CAMTA1: variants seen among roughly 807,000 people sequenced by gnomAD.
The protein encoded by CAMTA1 is calmodulin binding transcription activator 1.
In CAMTA1, 27 loss-of-function variants were observed where a neutral mutation model predicts 170.9. That is an observed-to-expected ratio of 0.16 (90% CI 0.12 to 0.22). The LOEUF (loss-of-function observed/expected upper bound fraction) is 0.22. CAMTA1 is among the 10% of genes least tolerant of loss of function. The pLI, the probability that CAMTA1 is intolerant of heterozygous loss-of-function variation, is 1.00. For synonymous variants in CAMTA1, 833 were observed against 891.5 expected (o/e 0.93, Z 1.17); for missense variants, 1,619 against 2,217.2 (o/e 0.73, Z 5.42).
chr1:7,671,747 C>A (rs2096062304), intron 10 of CAMTA1, among the ~76,000 whole-genome samples: 1 of 152,208 alleles, frequency 6.6e-6, no homozygotes, highest in Non-Finnish European at 1.5e-5. Context: ...GTCCCTGTGC[C>A]TCTGAAGCCC....
At chr1:7,622,130 C>T (rs1252070134) in intron 6 of CAMTA1, among the ~76,000 whole-genome samples, 1 of 152,168 alleles carries the variant, frequency 6.6e-6, no homozygotes, top group African/African-American at 2.4e-5. Flanking sequence ...TGGTTTTGCT[C>T]GTTAACTCAT....
intron 4 of CAMTA1, among the ~76,000 whole-genome samples, chr1:7,221,588 G>A (rs145428185): frequency 1.9e-4 from 29 of 152,104 alleles, no homozygotes; most frequent in African/African-American, 6.0e-4. Flanking sequence ...TGAATGCGTC[G>A]TGAAACACCT....
intron 6 of CAMTA1, among the ~76,000 whole-genome samples, chr1:7,598,603 T>A (rs2095418304): frequency 6.6e-6 from 1 of 152,170 alleles, no homozygotes; most frequent in Admixed American, 6.5e-5. Context: ...ACCTGTTGTT[T>A]CCTGACTTTT....
intron 1 of CAMTA1, among the ~76,000 whole-genome samples, chr1:6,810,209 G>A (rs1645000699): frequency 6.6e-6 from 1 of 152,170 alleles, no homozygotes; most frequent in Admixed American, 6.5e-5. Flanking sequence ...GGCCAGGACT[G>A]GGCTCACCTT....
chr1:7,144,636 G>A lies in CAMTA1; in HGVS notation c.302+53265G>A, dbSNP rs1400550058. 6.6e-6 allele frequency among the ~76,000 whole-genome samples: 1 copy of A among 152,110 alleles called. No individual in the cohort carries two copies. The highest frequency in any genetic ancestry group is 1.9e-4 in the East Asian group (1 of 5,202). On this transcript the variant is annotated intron_variant, in intron 4 of 22. Coordinates refer to ENST00000303635, the MANE Select transcript of CAMTA1 (RefSeq NM_015215.4). This position sits in a 1 kb window ranked among gnomAD's most constrained non-coding sequence, Gnocchi z 4.0. ...CGAGACTTGTTTATACAGATATTAG[G>A]ACTTGCAATTGTCAGGTCACACCAC...
At chr1:7,509,062 C>G (rs913061715) in intron 6 of CAMTA1, among the ~76,000 whole-genome samples, 1 of 152,138 alleles carries the variant, frequency 6.6e-6, no homozygotes, top group East Asian at 1.9e-4. Context: ...TGCTGTGGGT[C>G]CCCCCAGGCA....
intron 6 of CAMTA1, among the ~76,000 whole-genome samples, chr1:7,520,285 C>G (rs1305778614): frequency 9.3e-6 from 1 of 107,744 alleles, no homozygotes; most frequent in East Asian, 2.8e-4. Context: ...AAATGAGAGT[C>G]TGCTCTGGTG....
At chr1:7,508,987 C>G (rs529717514) in intron 6 of CAMTA1, among the ~76,000 whole-genome samples, 3 of 152,190 alleles carry the variant, frequency 2.0e-5, no homozygotes, top group Non-Finnish European at 4.4e-5. Context: ...TGAGACCAGG[C>G]GCTACAGGCT....
Position 6,887,519 on chromosome 1 carries a change from T to G in CAMTA1, c.234+62309T>G. The G allele has an allele frequency of 2.2e-6, 3 of 1,333,540 alleles. No homozygotes were observed. The highest frequency in any genetic ancestry group is 3.0e-6 in the Non-Finnish European group (3 of 997,500). The allele number at this position is 1,333,540 out of a possible 1,614,324, so 82.6% of individuals were successfully genotyped here. A position where few individuals can be genotyped will look rare whatever the true frequency, so the allele number is the denominator to read the frequency against. On this transcript the variant is annotated intron_variant, in intron 3 of 22. Transcript: ENST00000303635. The surrounding 1 kb of genome is among the most constrained non-coding windows in gnomAD (Gnocchi z 4.1). ...TCATCTGTATACGTATGTGTGTGTT[T>G]AATATATACTTTAGTTTGCCTTTAC...
chr1:7,754,205 A>G (rs1577434864), intron 21 of CAMTA1, among the ~76,000 whole-genome samples: 1 of 152,350 alleles, frequency 6.6e-6, no homozygotes, highest in East Asian at 1.9e-4. Context: ...TTTGAGCAGA[A>G]TCACATCTTC....
chr1:7,645,458 G>T (rs985021579), intron 7 of CAMTA1, among the ~76,000 whole-genome samples: 4 of 152,258 alleles, frequency 2.6e-5, no homozygotes, highest in Non-Finnish European at 2.9e-5. Context: ...TGTTCCATCC[G>T]GAGTGAGTGG....
chr1:7,305,278 T>C (rs552169299), intron 5 of CAMTA1, among the ~76,000 whole-genome samples: 1 of 152,242 alleles, frequency 6.6e-6, no homozygotes, highest in South Asian at 2.1e-4. Flanking sequence ...CATTTTCATA[T>C]TCATGAAGGA....
rs758782676 is a variant in CAMTA1 at position 6,825,053 on chromosome 1, CTAT to C, written c.116-34_116-32del. 1.4e-5 allele frequency: 17 copies of C among 1,198,620 alleles called. No homozygotes were observed. In the East Asian group the frequency reaches 3.6e-4, roughly 25 times the overall value. The allele number at this position is 1,198,620 out of a possible 1,614,324, so 74.2% of individuals were successfully genotyped here. Reference sequence around the variant, plus strand: ...CAGTGTACTTTAAAGGAGATTTTATCTATTATTTTCTCTAAATTTATTGTTTTC... The same window carrying C: ...CAGTGTACTTTAAAGGAGATTTTATCTATTTTCTCTAAATTTATTGTTTTC... On this transcript the variant is annotated intron_variant, in intron 2 of 22. Transcript: ENST00000303635.
chr1:7,414,291 T>C (rs1168323854), intron 5 of CAMTA1, among the ~76,000 whole-genome samples: 2 of 152,176 alleles, frequency 1.3e-5, no homozygotes, highest in Non-Finnish European at 2.9e-5. Flanking sequence ...TTAGGGAGGA[T>C]TCCCTCTTTT....
chr1:7,468,011 C>A, intron 6 of CAMTA1, 110 bp downstream of exon 6: 1 of 869,062 alleles, frequency 1.2e-6, no homozygotes, highest in South Asian at 1.5e-5. Context: ...GGCTGAGAGC[C>A]CTGGTGAGCT....
intron 3 of CAMTA1, among the ~76,000 whole-genome samples, chr1:6,913,100 C>T (rs966423544): frequency 6.6e-6 from 1 of 152,216 alleles, no homozygotes; most frequent in Non-Finnish European, 1.5e-5. Flanking sequence ...AAATAAATTC[C>T]CTAAGTGCTT....
chr1:7,478,077 A>G (rs2093450683), intron 6 of CAMTA1, among the ~76,000 whole-genome samples: 6 of 152,214 alleles, frequency 3.9e-5, no homozygotes, highest in Admixed American at 3.3e-4. Flanking sequence ...GAATTGAGCT[A>G]AGACACACAG....
At chr1:6,843,576 A>G (rs1200528614) in intron 3 of CAMTA1, among the ~76,000 whole-genome samples, 2 of 152,136 alleles carry the variant, frequency 1.3e-5, no homozygotes, top group African/African-American at 2.4e-5. Context: ...AACCATCCTC[A>G]TTGTGCAGTT....
rs769234858 is a variant in CAMTA1, at chr1:7,752,518, G to T, written c.4943G>T (p.Arg1648Leu). The T allele has an allele frequency of 6.2e-7, 1 of 1,607,722 alleles. No individual in the cohort carries two copies. Among genetic ancestry groups the T allele is most frequent in the South Asian group, 1.1e-5 (1 of 89,936 alleles). Residue 1648 changes from arginine (R) to leucine (L), a missense_variant, in exon 21 of 23, where the codon CGC becomes CTC. Around this residue, in one of 8 missense-constraint regions of CAMTA1, gnomAD observed 128 missense variants for 213.5 expected, o/e 0.60. Transcript: ENST00000303635. ...QAARKIMRFL[R>L]RCRHSPLVDH... Reference sequence around the variant, plus strand: ...GCTCGAAAAATAATGAGGTTTCTTCGCCGCTGTCGCCACAGGTACACTAGT... The same window carrying T: ...GCTCGAAAAATAATGAGGTTTCTTCTCCGCTGTCGCCACAGGTACACTAGT...
Sources: allele counts gnomAD v4.1 joint callset (sites outside exome capture counted in the v4.1 genomes callset), GRCh38; gene constraint gnomAD v4.1.1; regional missense constraint gnomAD v4.1.1; non-coding constraint Gnocchi (gnomAD v3.1); transcripts MANE v1.5; gene names NCBI Gene and HGNC (gene_info 2026-07-23, HGNC 2026-07-21).